Variants in PLXNA1 observed in about 807,000 individuals in gnomAD.
PLXNA1 encodes the protein plexin A1.
Under a neutral mutation model 191.7 loss-of-function variants are expected in PLXNA1, and 77 were observed. The observed-to-expected ratio is 0.40, with a 90% CI of 0.33 to 0.49. PLXNA1 has a LOEUF of 0.49. Ranked by LOEUF, PLXNA1 falls within the 20% of genes least tolerant of loss-of-function variation. The pLI, the probability that PLXNA1 is intolerant of heterozygous loss-of-function variation, is 0.63. For synonymous variants in PLXNA1, 1,137 were observed against 1,156.4 expected (o/e 0.98, Z 0.34); for missense variants, 2,110 against 2,660.2 (o/e 0.79, Z 4.55).
rs745621694 is a variant in PLXNA1 at position 127,014,726 on chromosome 3, C to T, written c.2772C>T (p.Ile924=). 3.1e-5 allele frequency: 50 copies of T among 1,611,502 alleles called. No homozygotes were observed. The highest frequency in any genetic ancestry group is 6.6e-5 in the South Asian group (6 of 91,004). The part of the protein sequence containing the change: ...YISAEQIVCE[I]GDASSVRAHD... ...CTGCCCACAGGATCGTCTGTGAGATCGGGGACGCCAGCTCCGTGCGTGCCC... is the reference window on the plus strand; with the variant it reads ...CTGCCCACAGGATCGTCTGTGAGATTGGGGACGCCAGCTCCGTGCGTGCCC... The change falls in exon 14 of 32, where the codon ATC becomes ATT. Residue 924 remains isoleucine (I), a synonymous_variant. Coordinates refer to ENST00000393409, the MANE Select transcript of PLXNA1 (RefSeq NM_032242.4).
chr3:127,005,996 CA>C (rs1185671930), intron 7 of PLXNA1, 82 bp from the exon 8 acceptor site: 1 of 1,018,414 alleles, frequency 9.8e-7, no homozygotes, highest in Admixed American at 1.7e-5. Context: ...GGTCTCCGGG[CA>C]AGTTGTTCCC....
chr3:127,030,232 G>GC lies in PLXNA1; in HGVS notation c.5062-5dup, dbSNP rs778049792. The GC allele has an allele frequency of 5.6e-6, 9 of 1,611,744 alleles. No homozygotes were observed. The highest frequency in any genetic ancestry group is 1.7e-6 in the Non-Finnish European group (2 of 1,178,674). On this transcript the variant is annotated splice_polypyrimidine_tract_variant and intron_variant, in intron 28 of 31. Transcript: ENST00000393409. ...GCCCTGGGGCTCAGTGTCCCTGCCT[G>GC]CCCCCCGCAGGGCACACTGCAGAAG...
In PLXNA1 at chr3:127,030,129, G is replaced by A. The variant is rs549638509; in HGVS notation, c.5061+65G>A. On this transcript the variant is annotated intron_variant, in intron 28 of 31. Coordinates refer to ENST00000393409, the MANE Select transcript of PLXNA1 (RefSeq NM_032242.4). The stretch of plus-strand genomic sequence containing the variant: ...CAACTGAGCTCAGAGAAAGTGCCAA[G>A]CCCAGAGCAAGGGCCTCACCCCCAT... 4.7e-4 allele frequency: 745 copies of A among 1,593,844 alleles called. 2 individuals are homozygous for A. In the African/African-American group the frequency reaches 6.1e-3, roughly 13 times the overall value.
At chr3:126,990,743 G>C (rs1471317552) in intron 2 of PLXNA1, among the ~76,000 whole-genome samples, 2 of 152,344 alleles carry the variant, frequency 1.3e-5, no homozygotes, top group East Asian at 1.9e-4. Flanking sequence ...TGTGAGGCAG[G>C]GCCCATGTGT....
rs992423748 is a variant in PLXNA1 at position 126,991,268 on chromosome 3, G to A, written c.1195-116G>A. 56 of 1,142,632 alleles carry A rather than the reference G, an allele frequency of 4.9e-5. No individual in the cohort carries two copies. The African/African-American group carries it at 7.7e-4, about 16-fold the overall frequency. The allele number at this position is 1,142,632 out of a possible 1,614,324, so 70.8% of individuals were successfully genotyped here. On this transcript the variant is annotated intron_variant, in intron 2 of 31. Transcript: ENST00000393409. Reference sequence around the variant, plus strand: ...CCTCTCTGTCTGCACCTCTCCTCTGGGGGCTACCCCCAACCTCTCTAGAAA... The same window carrying A: ...CCTCTCTGTCTGCACCTCTCCTCTGAGGGCTACCCCCAACCTCTCTAGAAA...
intron 23 of PLXNA1, among the ~76,000 whole-genome samples, chr3:127,025,581 T>C (rs1005641978): frequency 1.3e-5 from 2 of 152,210 alleles, no homozygotes; most frequent in African/African-American, 4.8e-5. Context: ...ACTGAAACTC[T>C]GTCCCCATTG....
chr3:127,028,389 G>T (rs562109145), intron 25 of PLXNA1, 49 bp downstream of exon 25: 1 of 1,573,718 alleles, frequency 6.4e-7, no homozygotes, highest in Non-Finnish European at 8.6e-7. Flanking sequence ...GGAGCAGAGG[G>T]GCAGGGCCAT....
chr3:126,994,122 A>C (rs899139034), intron 3 of PLXNA1, among the ~76,000 whole-genome samples: 1 of 151,926 alleles, frequency 6.6e-6, no homozygotes, highest in African/African-American at 2.4e-5. Context: ...CATCTGTTTG[A>C]CAGGTGGGGA....
intron 4 of PLXNA1, 117 bp from the exon 5 acceptor site, chr3:127,004,494 G>A (rs2079055749): frequency 4.0e-6 from 3 of 751,368 alleles, no homozygotes; most frequent in South Asian, 3.4e-5. Context: ...TGAATAGACT[G>A]AGAACAAGTG....
rs1440793854 is a variant in PLXNA1 at position 127,004,970 on chromosome 3, C to T, written c.1705C>T (p.Gln569Ter). The change falls in exon 6 of 32, where the codon CAG (glutamine) becomes TAG (stop). Residue 569 changes from glutamine (Q) to a stop codon, truncating the protein, a stop_gained. Coordinates refer to ENST00000393409, the MANE Select transcript of PLXNA1 (RefSeq NM_032242.4). LOFTEE classifies it high-confidence loss of function. ...DLLQCVQLTV[Q>*]PRNVSVTMSQ... ...GCTGCAGTGTGTGCAGCTGACTGTG[C>T]AGCCCCGCAATGTGTCTGTCACCAT... 6.2e-7 allele frequency: 1 copy of T among 1,610,218 alleles called. No individual in the cohort carries two copies. Among genetic ancestry groups the T allele is most frequent in the Non-Finnish European group, 8.5e-7 (1 of 1,177,980 alleles).
chr3:127,035,970 C>T lies in PLXNA1; in HGVS notation c.*1953C>T, dbSNP rs9856711. On this transcript the variant is annotated 3_prime_UTR_variant, in exon 32 of 32. Coordinates refer to ENST00000393409, the MANE Select transcript of PLXNA1 (RefSeq NM_032242.4). ...ACCCAGCTCAGGCCTGGGCCAGCCC[C>T]TGCCCCCAGCCCACTGAGGGGGTGG... 9,459 of 152,786 alleles carry T rather than the reference C, an allele frequency of 0.062. 346 individuals are homozygous for T. The highest frequency in any genetic ancestry group is 0.14 in the South Asian group (662 of 4,826). 9.5% of individuals were successfully genotyped at this position (152,786 alleles called of 1,614,324 possible).
chr3:127,022,810 T>A lies in PLXNA1; in HGVS notation c.4354T>A (p.Phe1452Ile). The change falls in exon 23 of 32, where the codon TTC becomes ATC. Residue 1452 changes from phenylalanine to isoleucine, a missense_variant. Phe to Ile is a conservative substitution (Grantham distance 21, BLOSUM62 0). This residue lies in a region of PLXNA1 where 559 missense variants were observed against 911.5 expected (regional missense o/e 0.61). Coordinates refer to ENST00000393409, the MANE Select transcript of PLXNA1 (RefSeq NM_032242.4). The stretch of plus-strand genomic sequence containing the variant: ...CTGGTTCACCTTCCTCTTGTATAAG[T>A]TCCTCAAGGTAAGCAGAGGCGGGAG... The part of the protein sequence containing the change: ...TNWFTFLLYK[F>I]LKECAGEPLF... 6.2e-7 allele frequency: 1 copy of A among 1,613,858 alleles called. No homozygotes were observed. Among genetic ancestry groups the A allele is most frequent in the Non-Finnish European group, 8.5e-7 (1 of 1,179,828 alleles).
Position 126,989,432 on chromosome 3 carries a change from C to T in PLXNA1, c.839C>T (p.Ser280Phe), listed in dbSNP as rs2078978360. 1 of 1,613,510 alleles carries T rather than the reference C, an allele frequency of 6.2e-7. No individual in the cohort carries two copies. The highest frequency in any genetic ancestry group is 1.3e-5 in the African/African-American group (1 of 74,938). The change falls in exon 2 of 32, where the codon TCC becomes TTC. Residue 280 changes from serine to phenylalanine, a missense_variant. Ser to Phe is a radical substitution (Grantham distance 155). Around this residue, in one of 4 missense-constraint regions of PLXNA1, gnomAD observed 903 missense variants for 1,015.7 expected, o/e 0.89. Transcript: ENST00000393409. ...GCCGCCGGCGAGCACTTCTTCACGT[C>T]CAAGATCGTGCGGCTCTGTGTGGAC... ...PDAAGEHFFT[S>F]KIVRLCVDDP...
At position 127,016,402 on chromosome 3, in the gene PLXNA1, C is replaced by A. The variant is rs981896776; in HGVS notation, c.3015-115C>A. On this transcript the variant is annotated intron_variant, in intron 15 of 31. Transcript: ENST00000393409. ...AGTAGCGGTGATAGTATGCAGCCAC[C>A]CAAGGCAGTACCTGTGACAGATGGC... is the stretch of plus-strand genomic sequence containing the variant. The A allele has an allele frequency of 4.7e-5, 42 of 897,180 alleles. 1 individual carries two copies. The South Asian group carries it at 5.8e-4, about 12-fold the overall frequency. 55.6% of individuals were successfully genotyped at this position (897,180 alleles called of 1,614,324 possible).
In PLXNA1 at chr3:127,014,616, A is replaced by T. The variant is rs758078029; in HGVS notation, c.2743A>T (p.Ile915Phe). ...VLCSPVESEYISAEQIVCEIG... is the reference protein window; with the variant it reads ...VLCSPVESEYFSAEQIVCEIG... ...GTGCAGCCCTGTGGAGAGCGAGTAC[A>T]TCAGTGCGGAGCAGTGAGTGCAGCC... Residue 915 changes from isoleucine to phenylalanine, a missense_variant, in exon 13 of 32, where the codon ATC becomes TTC. Transcript: ENST00000393409. The T allele has an allele frequency of 6.2e-7, 1 of 1,613,210 alleles. No individual in the cohort carries two copies. The highest frequency in any genetic ancestry group is 1.1e-5 in the South Asian group (1 of 91,080).
intron 21 of PLXNA1, among the ~76,000 whole-genome samples, chr3:127,021,071 C>T (rs916069835): frequency 2.0e-5 from 3 of 152,220 alleles, no homozygotes; most frequent in Non-Finnish European, 4.4e-5. Context: ...TGAGGGCACC[C>T]CCCAACCGTG....
chr3:127,002,574 G>C (rs1313770752), intron 3 of PLXNA1, among the ~76,000 whole-genome samples: 1 of 152,236 alleles, frequency 6.6e-6, no homozygotes, highest in African/African-American at 2.4e-5. Context: ...GAGTGGGTCA[G>C]GCTGGGGGAA....
chr3:126,996,945 T>C (rs2079017459), intron 3 of PLXNA1, among the ~76,000 whole-genome samples: 1 of 152,010 alleles, frequency 6.6e-6, no homozygotes, highest in Admixed American at 6.6e-5. Context: ...GCATTGGGGG[T>C]GTGTCACGGG....
chr3:127,000,695 C>T (rs2079036167), intron 3 of PLXNA1, among the ~76,000 whole-genome samples: 1 of 152,224 alleles, frequency 6.6e-6, no homozygotes, highest in Non-Finnish European at 1.5e-5. Context: ...TGCACAGGCC[C>T]TTCACCCTGA....
Sources: allele counts gnomAD v4.1 joint callset (sites outside exome capture counted in the v4.1 genomes callset), GRCh38; gene constraint gnomAD v4.1.1; regional missense constraint gnomAD v4.1.1; transcripts MANE v1.5; gene names NCBI Gene and HGNC (gene_info 2026-07-23, HGNC 2026-07-21).